The following ERC2 variants were observed in gnomAD, a reference collection of about 807,000 sequenced individuals.
ERC2 encodes ERC protein 2.
ERC2 carries 42 observed loss-of-function variants against 114.8 expected under a neutral mutation model. That is an observed-to-expected ratio of 0.37 (90% CI 0.29 to 0.47). The LOEUF is 0.47. Among genes scored for constraint, ERC2 ranks in the 20% least tolerant of loss-of-function variants. ERC2 has a pLI of 0.99. For synonymous variants in ERC2, 454 were observed against 425.5 expected (o/e 1.07, Z -0.82); for missense variants, 939 against 1,150.7 (o/e 0.82, Z 2.66).
At chr3:56,002,064 G>T (rs147233354) in intron 10 of ERC2, among the ~76,000 whole-genome samples, 1 of 152,052 alleles carries the variant, frequency 6.6e-6, no homozygotes, top group Non-Finnish European at 1.5e-5. Flanking sequence ...TGAAAAAGAG[G>T]TTAACAAAGA....
intron 14 of ERC2, among the ~76,000 whole-genome samples, chr3:55,769,470 T>C (rs917535657): frequency 6.6e-6 from 1 of 151,714 alleles, no homozygotes; most frequent in Non-Finnish European, 1.5e-5. Context: ...GGGCAGAAGG[T>C]AGAAAAGGTA....
At chr3:56,087,046 C>A (rs9810354) in intron 6 of ERC2, among the ~76,000 whole-genome samples, 27,149 of 151,986 alleles carry the variant, frequency 0.18, 2,591 homozygotes, top group African/African-American at 0.23. Context: ...TGATATAGTC[C>A]ATGCACAAAG....
intron 6 of ERC2, among the ~76,000 whole-genome samples, chr3:56,122,881 C>A (rs1449205458): frequency 6.6e-6 from 1 of 152,152 alleles, no homozygotes; most frequent in Non-Finnish European, 1.5e-5. Flanking sequence ...GCTGTCTCGT[C>A]GCTTCTGCTA....
chr3:55,591,731 C>G (rs1023098100), intron 17 of ERC2, among the ~76,000 whole-genome samples: 2 of 152,180 alleles, frequency 1.3e-5, no homozygotes, highest in African/African-American at 4.8e-5. Flanking sequence ...CTGCCAATCA[C>G]TGAACTCCTT....
chr3:55,959,228 G>T (rs1240732142), intron 12 of ERC2, among the ~76,000 whole-genome samples: 2 of 152,190 alleles, frequency 1.3e-5, no homozygotes, highest in East Asian at 1.9e-4. Context: ...CAAAAGAAGG[G>T]TTTATTTTCC....
chr3:55,770,861 G>A (rs906679869), intron 14 of ERC2, among the ~76,000 whole-genome samples: 1 of 140,872 alleles, frequency 7.1e-6, no homozygotes, highest in Non-Finnish European at 1.5e-5. Context: ...TGTTCTCATT[G>A]TTCAACTCCC....
At chr3:56,227,819 C>T (rs1575953899) in intron 3 of ERC2, among the ~76,000 whole-genome samples, 1 of 152,148 alleles carries the variant, frequency 6.6e-6, no homozygotes, top group African/African-American at 2.4e-5. Flanking sequence ...AAAAGATACG[C>T]ACAAGAATGC....
intron 10 of ERC2, 75 bp downstream of exon 10, chr3:56,007,106 A>G: frequency 2.2e-6 from 3 of 1,373,678 alleles, no homozygotes; most frequent in Non-Finnish European, 2.9e-6. Flanking sequence ...TTTCTTTTTA[A>G]AAACGTCTCT....
intron 6 of ERC2, 130 bp from the exon 7 acceptor site, chr3:56,081,114 G>A: frequency 1.1e-6 from 1 of 882,360 alleles, no homozygotes; most frequent in Non-Finnish European, 1.7e-6. Flanking sequence ...CACTGCTCAT[G>A]GCACCTCACT....
At chr3:55,902,477 ACAGT>A (rs1263582918) in intron 13 of ERC2, among the ~76,000 whole-genome samples, 1 of 152,100 alleles carries the variant, frequency 6.6e-6, no homozygotes, top group East Asian at 1.9e-4. Flanking sequence ...GCCCACCCAA[ACAGT>A]CAGTTCTCCC....
chr3:55,909,332 G>A (rs1001811607), intron 13 of ERC2, among the ~76,000 whole-genome samples: 15 of 152,198 alleles, frequency 9.9e-5, no homozygotes, highest in African/African-American at 3.6e-4. Flanking sequence ...TCCAGAAGGT[G>A]GCCAAAAGTT....
At chr3:56,433,497 C>G (rs148005960) in intron 2 of ERC2, among the ~76,000 whole-genome samples, 3 of 152,248 alleles carry the variant, frequency 2.0e-5, no homozygotes, top group Non-Finnish European at 4.4e-5. Flanking sequence ...CAGGAATTAC[C>G]AGGCAGTGGT....
In ERC2 at chr3:55,950,521, C is replaced by T. The variant is rs761217525; in HGVS notation, c.2307G>A (p.Lys769=). The change falls in exon 13 of 18, where the codon AAG becomes AAA. Residue 769 remains lysine (K), a synonymous_variant. Coordinates refer to ENST00000288221, the MANE Select transcript of ERC2 (RefSeq NM_015576.3). The stretch of plus-strand genomic sequence containing the variant: ...TCTTCTTTTCCAACTGTTGATTGTG[C>T]TTGAGGTTGGCCACCTTCTTATTCT... ...KDQNKKVANL[K]HNQQLEKKKN... is the part of the protein sequence containing the mutation. 25 of 1,613,880 alleles carry T rather than the reference C, an allele frequency of 1.5e-5. No individual in the cohort carries two copies. The highest frequency in any genetic ancestry group is 2.1e-5 in the Non-Finnish European group (25 of 1,179,898).
chr3:56,321,114 A>G (rs2057109328), intron 2 of ERC2, among the ~76,000 whole-genome samples: 2 of 152,168 alleles, frequency 1.3e-5, no homozygotes, highest in Admixed American at 1.3e-4. Flanking sequence ...TAATCCCACC[A>G]TGTCCCCAGG....
chr3:55,675,933 T>A (rs2061785264), intron 17 of ERC2, among the ~76,000 whole-genome samples: 1 of 110,970 alleles, frequency 9.0e-6, no homozygotes, highest in Non-Finnish European at 1.8e-5. Flanking sequence ...TTTTTTTTTT[T>A]TTTTGAGAGA....
chr3:56,111,132 T>G lies in ERC2; in HGVS notation c.1473+28377A>C, dbSNP rs138409483. On this transcript the variant is annotated intron_variant, in intron 6 of 17. Transcript: ENST00000288221. ...ATGTGTGAAGGAATGTGTCCTGGTG[T>G]GTCCCTGAGGCTGTGTTCTATGAAC... 4.3e-3 allele frequency among the ~76,000 whole-genome samples: 662 copies of G among 152,270 alleles called. 15 individuals carry two copies. Among genetic ancestry groups the G allele is most frequent in the Admixed American group, 0.038 (586 of 15,296 alleles).
chr3:56,446,625 C>CTTT lies in ERC2; in HGVS notation c.-140-11481_-140-11479dup, dbSNP rs1318263302. Among the ~76,000 whole-genome samples the CTTT allele has an allele frequency of 1.6e-3, 180 of 112,316 alleles. 16 individuals are homozygous for CTTT. The highest frequency in any genetic ancestry group is 5.0e-3 in the Middle Eastern group (1 of 200). 73.7% of individuals were successfully genotyped at this position (112,316 alleles called of 152,430 possible). Reference sequence around the variant, plus strand: ...CGCATTTTCTTCTTTTTTTTTTTTTCTTTCTTTTTTTTTTTTTTGAGACGG... The same window carrying CTTT: ...CGCATTTTCTTCTTTTTTTTTTTTTCTTTTTTCTTTTTTTTTTTTTTGAGACGG... On this transcript the variant is annotated intron_variant, in intron 1 of 17. Transcript: ENST00000288221.
intron 14 of ERC2, among the ~76,000 whole-genome samples, chr3:55,833,597 C>G (rs1412182417): frequency 6.6e-6 from 1 of 152,184 alleles, no homozygotes; most frequent in East Asian, 1.9e-4. Flanking sequence ...CCTAAAAGAG[C>G]TCCTGAAGGA....
At chr3:55,516,423 C>A (rs1184754453) in intron 17 of ERC2, among the ~76,000 whole-genome samples, 1 of 151,936 alleles carries the variant, frequency 6.6e-6, no homozygotes, top group East Asian at 1.9e-4. Flanking sequence ...TAGAAGCAAC[C>A]ACCTTGAAAC....
Sources: gnomAD v4.1 joint callset for allele counts (sites outside exome capture counted in the v4.1 genomes callset) on GRCh38, gnomAD v4.1.1 for gene constraint, MANE v1.5 for transcripts, NCBI Gene and HGNC (gene_info 2026-07-23, HGNC 2026-07-21) for gene names.